Variants in CLIP1 observed in about 807,000 individuals in gnomAD.
CLIP1 encodes the protein CAP-Gly domain containing linker protein 1.
Under a neutral mutation model 161.6 loss-of-function variants are expected in CLIP1, and 66 were observed. The observed-to-expected ratio is 0.41, with a 90% CI of 0.33 to 0.50. The LOEUF is 0.50. Among genes scored for constraint, CLIP1 ranks in the 20% least tolerant of loss-of-function variants. The pLI, the probability that CLIP1 is intolerant of heterozygous loss-of-function variation, is 0.27. For missense variants in CLIP1, 1,376 were observed against 1,702.0 expected, an observed-to-expected ratio of 0.81 and a Z score of 3.37; for synonymous variants, 598 against 626.2, an observed-to-expected ratio of 0.96 and a Z score of 0.67.
chr12:122,299,501 C>T (rs371629967), intron 20 of CLIP1, among the ~76,000 whole-genome samples: 1 of 148,982 alleles, frequency 6.7e-6, no homozygotes, highest in Non-Finnish European at 1.5e-5. Flanking sequence ...ACAAATCAGA[C>T]GTTTGGCTTT....
intron 17 of CLIP1, among the ~76,000 whole-genome samples, chr12:122,324,653 G>C (rs544508397): frequency 6.6e-6 from 1 of 152,280 alleles, no homozygotes; most frequent in South Asian, 2.1e-4. Flanking sequence ...CTACCTAGAA[G>C]ATAAAAATAG....
chr12:122,358,708 C>G (rs939839065), intron 5 of CLIP1, among the ~76,000 whole-genome samples: 1 of 150,402 alleles, frequency 6.6e-6, no homozygotes, highest in Non-Finnish European at 1.5e-5. Flanking sequence ...ATTACATTGT[C>G]TGGCACATGG....
At chr12:122,301,779 T>C (rs1407949489) in intron 20 of CLIP1, among the ~76,000 whole-genome samples, 1 of 152,238 alleles carries the variant, frequency 6.6e-6, no homozygotes, top group African/African-American at 2.4e-5. Flanking sequence ...AGTCCTTGTG[T>C]CCGCTTCTCT....
chr12:122,420,972 C>T (rs1042142264), intron 1 of CLIP1, among the ~76,000 whole-genome samples: 5 of 151,118 alleles, frequency 3.3e-5, no homozygotes, highest in South Asian at 2.1e-4. Context: ...GATAGACAGA[C>T]AGACAGACTA....
At chr12:122,298,408 C>T (rs533123709) in intron 20 of CLIP1, among the ~76,000 whole-genome samples, 2 of 151,826 alleles carry the variant, frequency 1.3e-5, no homozygotes, top group Non-Finnish European at 2.9e-5. Flanking sequence ...CGAGTTCAAA[C>T]GTGGCCAACG....
At chr12:122,325,711 T>C (rs1951689924) in intron 17 of CLIP1, among the ~76,000 whole-genome samples, 3 of 152,176 alleles carry the variant, frequency 2.0e-5, no homozygotes, top group Admixed American at 2.0e-4. Context: ...CAGAGTGCAG[T>C]GGCACCATCT....
At position 122,291,957 on chromosome 12, in the gene CLIP1, G is replaced by C. The variant is rs1291986219; in HGVS notation, c.3595-3416C>G. Among the ~76,000 whole-genome samples the C allele has an allele frequency of 3.3e-5, 5 of 152,016 alleles. No individual in the cohort carries two copies. The East Asian group carries it at 7.7e-4, about 23-fold the overall frequency. On this transcript the variant is annotated intron_variant, in intron 20 of 25. Coordinates refer to ENST00000620786, the MANE Select transcript of CLIP1 (RefSeq NM_001247997.2). The stretch of plus-strand genomic sequence containing the variant: ...CATTCCAACCATTAAATATTAGTTG[G>C]CCTTCTACCATGAGAAAGGGCTTTC...
At chr12:122,313,694 G>A (rs1951152924) in intron 19 of CLIP1, among the ~76,000 whole-genome samples, 1 of 151,964 alleles carries the variant, frequency 6.6e-6, no homozygotes. Flanking sequence ...TCCATCCTGG[G>A]CAACAAGAGC....
chr12:122,302,354 G>A (rs530259677), intron 20 of CLIP1, among the ~76,000 whole-genome samples: 4 of 152,116 alleles, frequency 2.6e-5, no homozygotes, highest in African/African-American at 4.8e-5. Flanking sequence ...TGCCTGCCTC[G>A]GCCTCCCAGT....
intron 3 of CLIP1, among the ~76,000 whole-genome samples, chr12:122,367,066 A>G (rs1387945532): frequency 3.3e-5 from 5 of 152,180 alleles, no homozygotes; most frequent in African/African-American, 9.7e-5. Context: ...AGATGATGCA[A>G]CCTCTTCAGA....
At chr12:122,387,235 C>T (rs530591458) in intron 1 of CLIP1, among the ~76,000 whole-genome samples, 1 of 152,014 alleles carries the variant, frequency 6.6e-6, no homozygotes, top group Non-Finnish European at 1.5e-5. Context: ...AAAGTGTGGT[C>T]GGTGCACTCC....
At chr12:122,383,526 G>A (rs981803612) in intron 1 of CLIP1, among the ~76,000 whole-genome samples, 14 of 152,212 alleles carry the variant, frequency 9.2e-5, no homozygotes, top group African/African-American at 3.1e-4. Context: ...TCTGGTTGTC[G>A]GTCCATCTGT....
At chr12:122,386,333 G>A (rs1955258449) in intron 1 of CLIP1, among the ~76,000 whole-genome samples, 1 of 152,036 alleles carries the variant, frequency 6.6e-6, no homozygotes, top group African/African-American at 2.4e-5. Context: ...GAAATGTTAA[G>A]TATGTGTTGC....
intron 1 of CLIP1, among the ~76,000 whole-genome samples, chr12:122,390,273 T>TATAC (rs1463296822): frequency 2.3e-5 from 1 of 42,946 alleles, no homozygotes; most frequent in East Asian, 2.3e-3. Flanking sequence ...CACACATATA[T>TATAC]ATATACATAT....
At chr12:122,337,486 A>T (rs993241340) in intron 11 of CLIP1, among the ~76,000 whole-genome samples, 9 of 148,038 alleles carry the variant, frequency 6.1e-5, no homozygotes, top group Admixed American at 2.0e-4. Flanking sequence ...ATGGGGTCTC[A>T]CCATGCTGCC....
intron 7 of CLIP1, among the ~76,000 whole-genome samples, chr12:122,353,528 C>A (rs116570057): frequency 0.018 from 2,666 of 152,240 alleles, 64 homozygotes; most frequent in African/African-American, 0.057. Context: ...GTAGGAGGAT[C>A]ACTTGAGCCA....
intron 20 of CLIP1, among the ~76,000 whole-genome samples, chr12:122,303,679 T>A (rs1470160268): frequency 6.6e-6 from 1 of 152,138 alleles, no homozygotes; most frequent in Non-Finnish European, 1.5e-5. Context: ...CCCAGTCAGC[T>A]CTTTCCACAG....
At position 122,327,958 on chromosome 12, in the gene CLIP1, C is replaced by T. The variant is rs767426784; in HGVS notation, c.3238G>A (p.Asp1080Asn). The T allele has an allele frequency of 5.0e-6, 8 of 1,613,888 alleles. No homozygotes were observed. The highest frequency in any genetic ancestry group is 2.7e-5 in the African/African-American group (2 of 74,894). ...QELEELRKQA[D>N]KAKAAQTAED... Reference sequence around the variant, plus strand: ...CTCGCGTCACGTACTTTGGCTTTGTCGGCTTGCTTTCTCAGCTCCTCCAGC... The same window carrying T: ...CTCGCGTCACGTACTTTGGCTTTGTTGGCTTGCTTTCTCAGCTCCTCCAGC... Residue 1080 changes from aspartate (D) to asparagine (N), a missense_variant, in exon 17 of 26, where the codon GAC becomes AAC. By Grantham distance (23) the Asp-to-Asn change is conservative. Transcript: ENST00000620786.
chr12:122,348,789 A>C (rs948749234), intron 9 of CLIP1, among the ~76,000 whole-genome samples: 1 of 152,206 alleles, frequency 6.6e-6, no homozygotes, highest in African/African-American at 2.4e-5. Context: ...CTGGACAATT[A>C]TGGGCAATGA....
Sources: gnomAD v4.1 joint callset for allele counts (sites outside exome capture counted in the v4.1 genomes callset) on GRCh38, gnomAD v4.1.1 for gene constraint, MANE v1.5 for transcripts, NCBI Gene and HGNC (gene_info 2026-07-23, HGNC 2026-07-21) for gene names.